ARID3A: variants seen among roughly 807,000 people sequenced by gnomAD.
ARID3A encodes the protein AT-rich interactive domain-containing protein 3A.
Under a neutral mutation model 52.7 loss-of-function variants are expected in ARID3A, and 11 were observed. The ratio of observed to expected loss-of-function variants is 0.21; its 90% CI spans 0.13 to 0.35. ARID3A has a LOEUF of 0.35. Among genes scored for constraint, ARID3A ranks in the 10% least tolerant of loss-of-function variants. The pLI, the probability that ARID3A is intolerant of heterozygous loss-of-function variation, is 1.00. For missense variants in ARID3A, 721 were observed against 838.5 expected (o/e 0.86, Z 1.73); for synonymous variants, 404 against 359.4 (o/e 1.12, Z -1.40).
rs1162484013 is a variant in ARID3A at position 947,761 on chromosome 19, G to A, written c.694-12331G>A. 3.3e-5 allele frequency among the ~76,000 whole-genome samples: 5 copies of A among 152,262 alleles called. No individual in the cohort carries two copies. Among genetic ancestry groups the A allele is most frequent in the African/African-American group, 9.6e-5 (4 of 41,468 alleles). On this transcript the variant is annotated intron_variant, in intron 3 of 8. Coordinates refer to ENST00000263620, the MANE Select transcript of ARID3A (RefSeq NM_005224.3). The surrounding 1 kb of genome is among the most constrained non-coding windows in gnomAD (Gnocchi z 6.3). ...TGTTATTAATATCCGCCCCGTGGGT[G>A]CGGCGCTGTGTATTTCCAGAGAGGG...
chr19:932,767 G>A (rs777716591), intron 3 of ARID3A, 25 bp downstream of exon 3: 14 of 1,546,072 alleles, frequency 9.1e-6, no homozygotes, highest in African/African-American at 1.4e-5. Flanking sequence ...CCCGCGTGGC[G>A]GCTGAGGCAC....
intron 3 of ARID3A, among the ~76,000 whole-genome samples, chr19:950,876 G>T (rs745488278): frequency 6.6e-6 from 1 of 151,974 alleles, no homozygotes; most frequent in African/African-American, 2.4e-5. Flanking sequence ...AGGCTGGAGT[G>T]CAATGGCACG....
chr19:953,371 ACCACCCGAGCCCCG>A (rs2037842835), intron 3 of ARID3A, among the ~76,000 whole-genome samples: 1 of 149,756 alleles, frequency 6.7e-6, no homozygotes, highest in South Asian at 2.1e-4. Flanking sequence ...CACCGGCGCC[ACCACCCGAGCCCCG>A]CCACCCTCTC....
chr19:972,090 C>T lies in ARID3A; in HGVS notation c.*25C>T, dbSNP rs757462936. 2.7e-5 allele frequency: 40 copies of T among 1,502,214 alleles called. No individual in the cohort carries two copies. In the Admixed American group the frequency reaches 8.7e-4, roughly 32 times the overall value. The allele number at this position is 1,502,214 out of a possible 1,614,324, so 93.1% of individuals were successfully genotyped here. Reference sequence around the variant, plus strand: ...ACCGCATCACTCCCCACCCGCCACCCACCCTGGAGCCCGCCGGCCTGGGCA... The same window carrying T: ...ACCGCATCACTCCCCACCCGCCACCTACCCTGGAGCCCGCCGGCCTGGGCA... On this transcript the variant is annotated 3_prime_UTR_variant, in exon 9 of 9. Transcript: ENST00000263620.
rs764543343 is a variant in ARID3A, at chr19:938,310, C to T, written c.693+5568C>T. ...GAGGTGTAGGAATGACGGCACTAGCCGGTATCTGTTGCTTCACTGCGTGAA... is the reference window on the plus strand; with the variant it reads ...GAGGTGTAGGAATGACGGCACTAGCTGGTATCTGTTGCTTCACTGCGTGAA... On this transcript the variant is annotated intron_variant, in intron 3 of 8. Coordinates refer to ENST00000263620, the MANE Select transcript of ARID3A (RefSeq NM_005224.3). The surrounding 1 kb of genome is among the most constrained non-coding windows in gnomAD (Gnocchi z 4.0). Among the ~76,000 whole-genome samples the T allele has an allele frequency of 6.6e-6, 1 of 152,172 alleles. No individual in the cohort carries two copies. Among genetic ancestry groups the T allele is most frequent in the Non-Finnish European group, 1.5e-5 (1 of 68,044 alleles).
intron 3 of ARID3A, among the ~76,000 whole-genome samples, chr19:957,879 G>A (rs1216685579): frequency 6.6e-6 from 1 of 151,456 alleles, no homozygotes; most frequent in Non-Finnish European, 1.5e-5. Context: ...GGGAGGCTGT[G>A]GCAGGCGGAT....
intron 3 of ARID3A, among the ~76,000 whole-genome samples, chr19:943,565 C>T (rs1220558794): frequency 6.7e-6 from 1 of 150,110 alleles, no homozygotes; most frequent in Non-Finnish European, 1.5e-5. Flanking sequence ...GAGACTCTGT[C>T]TCAAAAAAAA....
At chr19:949,960 C>G (rs972531226) in intron 3 of ARID3A, among the ~76,000 whole-genome samples, 1 of 152,110 alleles carries the variant, frequency 6.6e-6, no homozygotes, top group Non-Finnish European at 1.5e-5. Flanking sequence ...TGTGAGTCAC[C>G]GCATCTGGGC....
chr19:965,031 C>T lies in ARID3A; in HGVS notation c.1149C>T (p.Ala383=), dbSNP rs545549077. The change falls in exon 6 of 9, where the codon GCC becomes GCT. Residue 383 remains alanine, a synonymous_variant. Transcript: ENST00000263620. ...TACCCGTGTCCTCCCTGGGCCTGGC[C>T]GCAAGCACCAATGGCAGCTCCATCA... The part of the protein sequence containing the change: ...PKLPVSSLGL[A]ASTNGSSITP... 6.1e-5 allele frequency: 99 copies of T among 1,613,022 alleles called. No homozygotes were observed. The African/African-American group carries it at 6.9e-4, about 11-fold the overall frequency.
At position 972,737 on chromosome 19, in the gene ARID3A, TCTATATAG is replaced by T. The variant is rs1327230016; in HGVS notation, c.*680_*687del. The T allele has an allele frequency of 1.6e-5, 3 of 184,824 alleles. No homozygotes were observed. Among genetic ancestry groups the T allele is most frequent in the Non-Finnish European group, 3.3e-5 (3 of 90,440 alleles). The allele number at this position is 184,824 out of a possible 1,614,324, so 11.4% of individuals were successfully genotyped here. On this transcript the variant is annotated 3_prime_UTR_variant, in exon 9 of 9. Coordinates refer to ENST00000263620, the MANE Select transcript of ARID3A (RefSeq NM_005224.3). ...ACCTTAGGAAAAGGATATCTATATA[TCTATATAG>T]CTATATATTTGTGTTCCTTCAGGGA...
intron 3 of ARID3A, among the ~76,000 whole-genome samples, chr19:952,556 G>T (rs1038220806): frequency 1.3e-5 from 2 of 151,912 alleles, no homozygotes; most frequent in Non-Finnish European, 2.9e-5. Flanking sequence ...CCTCCTGGAG[G>T]CTCAGGGCTC....
rs183805284 is a variant in ARID3A, at chr19:948,835, G to A, written c.694-11257G>A. 8.7e-3 allele frequency among the ~76,000 whole-genome samples: 1,292 copies of A among 148,874 alleles called. 12 individuals are homozygous for A. The highest frequency in any genetic ancestry group is 0.029 in the East Asian group (143 of 4,896). On this transcript the variant is annotated intron_variant, in intron 3 of 8. Transcript: ENST00000263620. Reference sequence around the variant, plus strand: ...AGTGATTCTCCTGCCTCAGCCTCCCGAGTAGCTGGGACTACAGGCGTGCGC... The same window carrying A: ...AGTGATTCTCCTGCCTCAGCCTCCCAAGTAGCTGGGACTACAGGCGTGCGC...
chr19:930,567 T>G (rs1454985841), intron 2 of ARID3A, among the ~76,000 whole-genome samples: 1 of 147,850 alleles, frequency 6.8e-6, no homozygotes, highest in Admixed American at 6.8e-5. Context: ...TGGAGTGCAG[T>G]GGCGTGATCT....
chr19:948,158 C>T (rs776141938), intron 3 of ARID3A, among the ~76,000 whole-genome samples: 18 of 151,952 alleles, frequency 1.2e-4, no homozygotes, highest in African/African-American at 4.1e-4. Flanking sequence ...ACAGCCCACC[C>T]GCCCCAGCTG....
intron 3 of ARID3A, among the ~76,000 whole-genome samples, chr19:952,809 C>T (rs890901402): frequency 6.6e-6 from 1 of 152,142 alleles, no homozygotes; most frequent in Admixed American, 6.5e-5. Context: ...GGTTTCTTTA[C>T]AGCCTGGGCC....
rs2037477757 is a variant in ARID3A, at chr19:938,314, A to G, written c.693+5572A>G. 6.6e-6 allele frequency among the ~76,000 whole-genome samples: 1 copy of G among 152,214 alleles called. No individual in the cohort carries two copies. The highest frequency in any genetic ancestry group is 2.1e-4 in the South Asian group (1 of 4,828). On this transcript the variant is annotated intron_variant, in intron 3 of 8. Transcript: ENST00000263620. The surrounding 1 kb of genome is among the most constrained non-coding windows in gnomAD (Gnocchi z 4.0). ...TGTAGGAATGACGGCACTAGCCGGT[A>G]TCTGTTGCTTCACTGCGTGAAGAAA... is the stretch of plus-strand genomic sequence containing the variant.
chr19:967,454 G>C (rs2038183801), intron 7 of ARID3A, among the ~76,000 whole-genome samples: 1 of 152,184 alleles, frequency 6.6e-6, no homozygotes, highest in Non-Finnish European at 1.5e-5. Flanking sequence ...AGCTACTCGG[G>C]AGGCTGAGAT....
At chr19:948,433 C>A (rs978757744) in intron 3 of ARID3A, among the ~76,000 whole-genome samples, 4 of 152,254 alleles carry the variant, frequency 2.6e-5, no homozygotes, top group Admixed American at 6.5e-5. Context: ...CCCGGGGCCG[C>A]GGTCCTGCGG....
intron 3 of ARID3A, among the ~76,000 whole-genome samples, chr19:952,564 C>T (rs1464615722): frequency 1.3e-5 from 2 of 151,886 alleles, no homozygotes; most frequent in Admixed American, 6.6e-5. Context: ...AGGCTCAGGG[C>T]TCGGCAGTCC....
Sources: allele counts gnomAD v4.1 joint callset (sites outside exome capture counted in the v4.1 genomes callset), GRCh38; gene constraint gnomAD v4.1.1; non-coding constraint Gnocchi (gnomAD v3.1); transcripts MANE v1.5; gene names NCBI Gene and HGNC (gene_info 2026-07-23, HGNC 2026-07-21).